Variants in FRMD4B observed in about 807,000 individuals in gnomAD.
The protein encoded by FRMD4B is FERM domain containing 4B.
Under a neutral mutation model 141.5 loss-of-function variants are expected in FRMD4B, and 74 were observed. That is an observed-to-expected ratio of 0.52 (90% CI 0.43 to 0.63). FRMD4B has a LOEUF of 0.63. Ranked by LOEUF, FRMD4B falls within the 30% of genes least tolerant of loss-of-function variation. FRMD4B has a pLI of 0.00. For synonymous variants in FRMD4B, 506 were observed against 467.9 expected (o/e 1.08, Z -1.05); for missense variants, 1,366 against 1,253.4 (o/e 1.09, Z -1.36).
intron 5 of FRMD4B, among the ~76,000 whole-genome samples, chr3:69,278,104 T>C (rs565506228): frequency 1.3e-4 from 20 of 152,340 alleles, no homozygotes; most frequent in African/African-American, 4.3e-4. Flanking sequence ...TCCGCCTGCC[T>C]TGGCCTCCCA....
chr3:69,239,569 G>T (rs577669258), intron 7 of FRMD4B, among the ~76,000 whole-genome samples: 4 of 152,238 alleles, frequency 2.6e-5, no homozygotes, highest in South Asian at 2.1e-4. Flanking sequence ...AATGACTTAG[G>T]TTGGGAAGCA....
At chr3:69,540,660 T>TACACACACACACAC (rs1161119924) in intron 1 of FRMD4B, among the ~76,000 whole-genome samples, 14 of 56,870 alleles carry the variant, frequency 2.5e-4, no homozygotes, top group African/African-American at 9.3e-4. Flanking sequence ...TATATATATA[T>TACACACACACACAC]ACACACACAC....
intron 7 of FRMD4B, among the ~76,000 whole-genome samples, chr3:69,243,784 G>T (rs1191992255): frequency 1.3e-5 from 2 of 152,122 alleles, no homozygotes; most frequent in African/African-American, 4.8e-5. Flanking sequence ...GGTGGCTCAC[G>T]CTTGTAATCC....
At chr3:69,290,535 T>C (rs1041439773) in intron 4 of FRMD4B, among the ~76,000 whole-genome samples, 2 of 152,098 alleles carry the variant, frequency 1.3e-5, no homozygotes, top group Admixed American at 1.3e-4. Context: ...TTCAGCTACT[T>C]GGTGGTGGCT....
chr3:69,369,351 G>A (rs1000709631), intron 1 of FRMD4B, among the ~76,000 whole-genome samples: 1 of 151,948 alleles, frequency 6.6e-6, no homozygotes, highest in African/African-American at 2.4e-5. Flanking sequence ...ACAAAGAAAA[G>A]GCCAGGAGAA....
chr3:69,249,076 G>T (rs912171060), intron 7 of FRMD4B, 150 bp downstream of exon 7: 6 of 544,144 alleles, frequency 1.1e-5, no homozygotes, highest in Admixed American at 4.0e-5. Context: ...AAAAAGAATA[G>T]GTCTCTATTT....
chr3:69,316,533 T>C (rs934330709), intron 1 of FRMD4B, among the ~76,000 whole-genome samples: 3 of 152,044 alleles, frequency 2.0e-5, no homozygotes, highest in African/African-American at 7.2e-5. Context: ...TTTTTTCTGC[T>C]TTTCTATACC....
At chr3:69,213,366 G>T (rs2093105527) in intron 11 of FRMD4B, among the ~76,000 whole-genome samples, 2 of 127,848 alleles carry the variant, frequency 1.6e-5, no homozygotes, top group African/African-American at 3.0e-5. Context: ...TTCTTACTCT[G>T]GGTAAAAAAA....
At chr3:69,525,044 C>A (rs1184383939) in intron 1 of FRMD4B, among the ~76,000 whole-genome samples, 1 of 152,188 alleles carries the variant, frequency 6.6e-6, no homozygotes, top group East Asian at 1.9e-4. Context: ...TAATGGAGAG[C>A]AGGCAGAATG....
chr3:69,485,199 G>C (rs1186496656), intron 1 of FRMD4B, among the ~76,000 whole-genome samples: 1 of 152,222 alleles, frequency 6.6e-6, no homozygotes, highest in Non-Finnish European at 1.5e-5. Flanking sequence ...ACCCGGCTGG[G>C]CTGTGACAGT....
chr3:69,449,017 C>T (rs1467607533), intron 1 of FRMD4B, among the ~76,000 whole-genome samples: 1 of 152,164 alleles, frequency 6.6e-6, no homozygotes, highest in Non-Finnish European at 1.5e-5. Context: ...TTATTCACAG[C>T]ATCTTTTTAT....
intron 1 of FRMD4B, among the ~76,000 whole-genome samples, chr3:69,488,760 G>A (rs1243974315): frequency 6.6e-6 from 1 of 151,768 alleles, no homozygotes; most frequent in Admixed American, 6.6e-5. Flanking sequence ...GGGCATGGTG[G>A]CGGGTGCCTG....
In FRMD4B at chr3:69,169,005, A is replaced by AC. The variant is rs1484137669; in HGVS notation, c.*2855_*2856insG. On this transcript the variant is annotated 3_prime_UTR_variant, in exon 23 of 23. Transcript: ENST00000398540. ...ATTAGGCAGAAAACAAAACAAACAA[A>AC]AAAAAATGTTGTAAAACTGTACTTG... Among the ~76,000 whole-genome samples, 5 of 50,694 alleles carry AC rather than the reference A, an allele frequency of 9.9e-5. No homozygotes were observed. The highest frequency in any genetic ancestry group is 2.8e-4 in the African/African-American group (5 of 17,768). The allele number at this position is 50,694 out of a possible 152,430, so 33.3% of individuals were successfully genotyped here. A position where few individuals can be genotyped will look rare whatever the true frequency, so the allele number is the denominator to read the frequency against.
chr3:69,391,472 C>A (rs932419187), intron 2 of FRMD4B, among the ~76,000 whole-genome samples: 1 of 148,248 alleles, frequency 6.7e-6, no homozygotes, highest in Admixed American at 6.9e-5. Flanking sequence ...CTGTTCAATT[C>A]CCACCTATGA....
intron 1 of FRMD4B, among the ~76,000 whole-genome samples, chr3:69,473,406 C>T (rs1705928979): frequency 6.6e-6 from 1 of 152,150 alleles, no homozygotes; most frequent in South Asian, 2.1e-4. Flanking sequence ...GTCTAAACTG[C>T]ATTCTACAAT....
chr3:69,282,606 C>T (rs144870854), intron 5 of FRMD4B, among the ~76,000 whole-genome samples: 392 of 152,262 alleles, frequency 2.6e-3, no homozygotes, highest in Non-Finnish European at 4.7e-3. Flanking sequence ...GATCCTGGAA[C>T]ATCTCTTAGA....
chr3:69,410,760 T>C (rs1455063164), intron 2 of FRMD4B, among the ~76,000 whole-genome samples: 2 of 94,650 alleles, frequency 2.1e-5, no homozygotes, highest in African/African-American at 8.6e-5. Flanking sequence ...TATATATATA[T>C]ATATATATAT....
intron 1 of FRMD4B, among the ~76,000 whole-genome samples, chr3:69,318,773 C>T (rs1160168658): frequency 6.6e-6 from 1 of 152,140 alleles, no homozygotes; most frequent in Admixed American, 6.5e-5. Flanking sequence ...CAGGTAATGC[C>T]ACATAATTAA....
intron 1 of FRMD4B, among the ~76,000 whole-genome samples, chr3:69,381,356 G>A (rs909359009): frequency 6.6e-6 from 1 of 152,112 alleles, no homozygotes; most frequent in African/African-American, 2.4e-5. Flanking sequence ...GGGAGATCTT[G>A]TTTCACTTAT....
Sources: allele counts gnomAD v4.1 joint callset (sites outside exome capture counted in the v4.1 genomes callset), GRCh38; gene constraint gnomAD v4.1.1; transcripts MANE v1.5; gene names NCBI Gene and HGNC (gene_info 2026-07-23, HGNC 2026-07-21).